The following FUS variants were observed in gnomAD, a reference collection of about 807,000 sequenced individuals.
FUS encodes RNA-binding protein FUS.
Under a neutral mutation model 82.7 loss-of-function variants are expected in FUS, and 5 were observed. That is an observed-to-expected ratio of 0.06 (90% CI 0.03 to 0.13). The LOEUF (loss-of-function observed/expected upper bound fraction) is 0.13. FUS is among the 10% of genes least tolerant of loss of function. The pLI, the probability that FUS is intolerant of heterozygous loss-of-function variation, is 1.00. For missense variants in FUS, 512 were observed against 707.8 expected, an observed-to-expected ratio of 0.72 and a Z score of 3.14; for synonymous variants, 281 against 247.4, an observed-to-expected ratio of 1.14 and a Z score of -1.27.
chr16:31,182,703 CT>C, intron 3 of FUS, 39 bp downstream of exon 3: 1 of 1,613,192 alleles, frequency 6.2e-7, no homozygotes, highest in Non-Finnish European at 8.5e-7. Flanking sequence ...CCTACTCTTT[CT>C]GAATATTGCT....
At chr16:31,184,047 A>T in intron 4 of FUS, 45 bp downstream of exon 4, 1 of 1,613,666 alleles carries the variant, frequency 6.2e-7, no homozygotes, top group South Asian at 1.1e-5. Flanking sequence ...AGAGGGGTGA[A>T]TTGATGAGGA....
downstream of FUS, chr16:31,192,476 C>A: frequency 5.8e-6 from 3 of 517,852 alleles, no homozygotes; most frequent in Non-Finnish European, 1.1e-5. Flanking sequence ...GGTTTTCGAA[C>A]TTGGTTTGTA....
downstream of FUS, chr16:31,192,915 G>A (rs759881160): frequency 8.2e-6 from 4 of 485,018 alleles, no homozygotes; most frequent in Non-Finnish European, 1.2e-5. Context: ...GTTCTCTACT[G>A]AAGAGTTGCT....
At chr16:31,194,347 G>C (rs1392272536), downstream of FUS, 1 of 521,046 alleles carries the variant, frequency 1.9e-6, no homozygotes, top group Non-Finnish European at 3.7e-6. Context: ...GGATTGCAGT[G>C]GTGTGATCTC....
chr16:31,194,199 T>C (rs778329011), downstream of FUS: 2 of 530,582 alleles, frequency 3.8e-6, no homozygotes, highest in South Asian at 3.1e-5. Context: ...GTGGGTAGAT[T>C]GACCAGGAAT....
chr16:31,184,872 A>G (rs1404689597), intron 5 of FUS, 67 bp from the exon 6 acceptor site: 2 of 1,552,346 alleles, frequency 1.3e-6, no homozygotes, highest in Non-Finnish European at 1.8e-6. Context: ...AAACCTTTTC[A>G]AACCTTTTAG....
Position 31,184,500 on chromosome 16 carries a change from G to A in FUS, c.523+104G>A. 6.0e-6 allele frequency: 7 copies of A among 1,158,340 alleles called. No homozygotes were observed. In the South Asian group the frequency reaches 8.0e-5, roughly 13 times the overall value. The allele number at this position is 1,158,340 out of a possible 1,614,324, so 71.8% of individuals were successfully genotyped here. A position where few individuals can be genotyped will look rare whatever the true frequency, so the allele number is the denominator to read the frequency against. ...TCTCTGTTGCTGAGGCTGGAGTGCAGTGGCACAATCTCGGCTCACTGCAAG... is the reference window on the plus strand; with the variant it reads ...TCTCTGTTGCTGAGGCTGGAGTGCAATGGCACAATCTCGGCTCACTGCAAG... On this transcript the variant is annotated intron_variant, in intron 5 of 14. Coordinates refer to ENST00000254108, the MANE Select transcript of FUS (RefSeq NM_004960.4).
chr16:31,181,059 C>T (rs1257581386), intron 1 of FUS, among the ~76,000 whole-genome samples: 1 of 152,160 alleles, frequency 6.6e-6, no homozygotes, highest in Non-Finnish European at 1.5e-5. Flanking sequence ...ATTATAGGCG[C>T]CCGCCACCAC....
intron 7 of FUS, chr16:31,187,745 T>G (rs1340755619): frequency 4.3e-6 from 1 of 235,144 alleles, no homozygotes; most frequent in Non-Finnish European, 8.4e-6. Flanking sequence ...GGAAATAAGA[T>G]TTCTGGTCTG....
chr16:31,184,495 G>A, intron 5 of FUS, 99 bp downstream of exon 5: 1 of 1,188,446 alleles, frequency 8.4e-7, no homozygotes, highest in East Asian at 2.6e-5. Context: ...TGAGGCTGGA[G>A]TGCAGTGGCA....
chr16:31,185,053 G>C lies in FUS; in HGVS notation c.638G>C (p.Arg213Pro), dbSNP rs1437363894. The part of the protein sequence containing the change: ...GGSGGYGQQD[R>P]GGRGRGGSGG... Reference sequence around the variant, plus strand: ...AGCGGTGGCTATGGACAGCAGGACCGTGGAGGCCGCGGCAGGGGTGGCAGT... The same window carrying C: ...AGCGGTGGCTATGGACAGCAGGACCCTGGAGGCCGCGGCAGGGGTGGCAGT... The change falls in exon 6 of 15, where the codon CGT becomes CCT. Residue 213 changes from arginine (R) to proline (P), a missense_variant. Arg to Pro is a moderately radical substitution (Grantham distance 103). Coordinates refer to ENST00000254108, the MANE Select transcript of FUS (RefSeq NM_004960.4). 1.2e-6 allele frequency: 2 copies of C among 1,611,956 alleles called. No homozygotes were observed. The highest frequency in any genetic ancestry group is 1.7e-6 in the Non-Finnish European group (2 of 1,179,072).
rs538248567 is a variant in FUS, at chr16:31,189,972, C to A, written c.1067-68C>A. On this transcript the variant is annotated intron_variant, in intron 10 of 14. Transcript: ENST00000254108. Reference sequence around the variant, plus strand: ...TTATAAACCATTTGAGAAAGGCACGCTTCTCTTGTATTTTCGGATTAATGT... The same window carrying A: ...TTATAAACCATTTGAGAAAGGCACGATTCTCTTGTATTTTCGGATTAATGT... 3.2e-6 allele frequency: 5 copies of A among 1,557,452 alleles called. No individual in the cohort carries two copies. The Admixed American group carries it at 5.6e-5, about 17-fold the overall frequency.
At chr16:31,193,729 C>T (rs2079389529), downstream of FUS, 1 of 532,354 alleles carries the variant, frequency 1.9e-6, no homozygotes, top group Non-Finnish European at 3.6e-6. Context: ...ATTGGTGCCT[C>T]TCAAGCCAAC....
intron 10 of FUS, 28 bp downstream of exon 10, chr16:31,189,822 G>A: frequency 6.2e-7 from 1 of 1,613,740 alleles, no homozygotes; most frequent in Non-Finnish European, 8.5e-7. Context: ...GGCAGAGGTG[G>A]GGCTGGGGAT....
intron 6 of FUS, 140 bp downstream of exon 6, chr16:31,185,319 G>T (rs867672153): frequency 7.3e-6 from 8 of 1,099,784 alleles, no homozygotes; most frequent in Admixed American, 2.9e-5. Flanking sequence ...TGGGGGCAGT[G>T]ACTTTCTTTT....
At chr16:31,192,362 G>A, downstream of FUS, 1 of 525,590 alleles carries the variant, frequency 1.9e-6, no homozygotes, top group Non-Finnish European at 3.7e-6. Context: ...TTACCATGTG[G>A]TTGTAAACTT....
intron 6 of FUS, chr16:31,185,979 T>C (rs2079263669): frequency 4.2e-6 from 1 of 237,018 alleles, no homozygotes; most frequent in Non-Finnish European, 8.3e-6. Flanking sequence ...GGAATGTCAG[T>C]GTTACTGTTT....
At position 31,191,110 on chromosome 16, in the gene FUS, G is replaced by A; in HGVS notation, c.1541G>A (p.Arg514Lys). The stretch of plus-strand genomic sequence containing the variant: ...TTTGGCCCTGGCAAGATGGATTCCA[G>A]GTAAGACTTTAAATCAGAATAAAAA... Reference protein sequence around the residue: ...GGFGPGKMDSRGEHRQDRRER... With the variant: ...GGFGPGKMDSKGEHRQDRRER... Residue 514 changes from arginine to lysine, a missense_variant and splice_region_variant, in exon 14 of 15, where the codon AGG (arginine) becomes AAG (lysine). Arg to Lys is a conservative substitution (Grantham distance 26). Transcript: ENST00000254108. 2 of 1,612,530 alleles carry A rather than the reference G, an allele frequency of 1.2e-6. No homozygotes were observed. Among genetic ancestry groups the A allele is most frequent in the Non-Finnish European group, 1.7e-6 (2 of 1,179,972 alleles).
intron 8 of FUS, 89 bp downstream of exon 8, chr16:31,188,446 C>G (rs1293288295): frequency 3.5e-6 from 5 of 1,425,570 alleles, no homozygotes; most frequent in Non-Finnish European, 4.9e-6. Flanking sequence ...AAAAAGGAAA[C>G]TGAAAAAAAT....
Sources: gnomAD v4.1 joint callset for allele counts (sites outside exome capture counted in the v4.1 genomes callset) on GRCh38, gnomAD v4.1.1 for gene constraint, MANE v1.5 for transcripts, NCBI Gene and HGNC (gene_info 2026-07-23, HGNC 2026-07-21) for gene names.